RBFOX1: variants seen among roughly 807,000 people sequenced by gnomAD.
RBFOX1 encodes RNA binding fox-1 homolog 1, also known as RNA binding protein fox-1 homolog 1.
RBFOX1 carries 8 observed loss-of-function variants against 57.7 expected under a neutral mutation model. The ratio of observed to expected loss-of-function variants is 0.14; its 90% confidence interval spans 0.08 to 0.25. RBFOX1 has a LOEUF of 0.25. Ranked by LOEUF, RBFOX1 falls within the 10% of genes least tolerant of loss-of-function variation. RBFOX1 has a pLI of 1.00. For missense variants in RBFOX1, 611 were observed against 548.5 expected (o/e 1.11, Z -1.14); for synonymous variants, 326 against 222.4 (o/e 1.47, Z -4.15).
At chr16:6,944,755 C>A (rs1315126612) in intron 3 of RBFOX1, among the ~76,000 whole-genome samples, 1 of 152,120 alleles carries the variant, frequency 6.6e-6, no homozygotes, top group Admixed American at 6.6e-5. Context: ...AGTCCTGTTG[C>A]CATAGTACCC....
At chr16:7,114,161 C>G (rs772427206) in intron 4 of RBFOX1, among the ~76,000 whole-genome samples, 2 of 152,104 alleles carry the variant, frequency 1.3e-5, no homozygotes, top group East Asian at 3.9e-4. Flanking sequence ...CTTAAGAGAT[C>G]AGAGTTGGTG....
At chr16:6,416,972 A>T (rs961339862) in intron 2 of RBFOX1, among the ~76,000 whole-genome samples, 24 of 152,166 alleles carry the variant, frequency 1.6e-4, no homozygotes, top group African/African-American at 4.6e-4. Flanking sequence ...CACTTATGGG[A>T]TCATTCCTTA....
intron 4 of RBFOX1, among the ~76,000 whole-genome samples, chr16:7,462,779 G>A (rs1368853688): frequency 3.9e-5 from 6 of 152,182 alleles, no homozygotes; most frequent in African/African-American, 1.4e-4. Context: ...GAAGCTGCCC[G>A]TATTCCTTCT....
intron 4 of RBFOX1, among the ~76,000 whole-genome samples, chr16:7,131,316 A>G (rs964479017): frequency 2.9e-5 from 4 of 139,626 alleles, no homozygotes; most frequent in Non-Finnish European, 6.1e-5. Flanking sequence ...ATTGCACTGC[A>G]GCGTGGGCAT....
chr16:5,368,220 T>C (rs1000883697), intron 1 of RBFOX1, among the ~76,000 whole-genome samples: 10 of 152,244 alleles, frequency 6.6e-5, no homozygotes, highest in Middle Eastern at 3.2e-3. Context: ...TCTTGAATCA[T>C]TGGAGAAGCG....
chr16:6,272,340 T>TA (rs752777366), intron 1 of RBFOX1, among the ~76,000 whole-genome samples: 35 of 152,220 alleles, frequency 2.3e-4, no homozygotes, highest in Non-Finnish European at 5.0e-4. Flanking sequence ...GACATGCTGA[T>TA]ACCACAATTA....
chr16:5,524,490 C>T (rs8050440), intron 2 of RBFOX1, among the ~76,000 whole-genome samples: 4 of 151,266 alleles, frequency 2.6e-5, no homozygotes, highest in Admixed American at 6.6e-5. Flanking sequence ...ATATTCCTTT[C>T]GGTTTATACC....
chr16:6,873,499 G>T (rs1033475500), intron 3 of RBFOX1, among the ~76,000 whole-genome samples: 2 of 152,040 alleles, frequency 1.3e-5, no homozygotes, highest in Admixed American at 6.6e-5. Context: ...CTTCCTCAAG[G>T]CTATGACAGT....
chr16:6,925,643 C>T (rs1188319788), intron 3 of RBFOX1, among the ~76,000 whole-genome samples: 1 of 151,868 alleles, frequency 6.6e-6, no homozygotes, highest in Non-Finnish European at 1.5e-5. Flanking sequence ...ATAGTGGCTA[C>T]AAAGGGCTTA....
At chr16:5,971,980 G>A (rs895728393) in intron 4 of RBFOX1, among the ~76,000 whole-genome samples, 2 of 152,184 alleles carry the variant, frequency 1.3e-5, no homozygotes, top group Non-Finnish European at 2.9e-5. Context: ...AATTCCTCTT[G>A]CCTGCCTGAC....
chr16:5,275,909 C>T (rs1025683801), intron 1 of RBFOX1, among the ~76,000 whole-genome samples: 7 of 152,172 alleles, frequency 4.6e-5, no homozygotes, highest in South Asian at 4.1e-4. Context: ...TGATCTTAGA[C>T]AAAGTAAACA....
chr16:6,616,358 C>G (rs1195563886), intron 2 of RBFOX1, among the ~76,000 whole-genome samples: 2 of 151,786 alleles, frequency 1.3e-5, no homozygotes, highest in Admixed American at 6.6e-5. Context: ...GTGATAGTGA[C>G]TCAAATACAG....
At chr16:5,981,779 T>C (rs926393661) in intron 4 of RBFOX1, among the ~76,000 whole-genome samples, 7 of 152,204 alleles carry the variant, frequency 4.6e-5, no homozygotes, top group Non-Finnish European at 1.0e-4. Flanking sequence ...GTGTGATGTT[T>C]TAAAACGGTG....
At chr16:6,740,904 G>C (rs571893710) in intron 3 of RBFOX1, among the ~76,000 whole-genome samples, 1 of 152,122 alleles carries the variant, frequency 6.6e-6, no homozygotes, top group African/African-American at 2.4e-5. Context: ...AAAGAAACTA[G>C]AGTTGTTAAC....
intron 2 of RBFOX1, among the ~76,000 whole-genome samples, chr16:6,471,819 T>C (rs1437349291): frequency 6.6e-6 from 1 of 152,140 alleles, no homozygotes; most frequent in African/African-American, 2.4e-5. Flanking sequence ...GTCTGGAGAT[T>C]CTAGCAGGGA....
At position 6,536,454 on chromosome 16, in the gene RBFOX1, G is replaced by A. The variant is rs1041811443; in HGVS notation, c.-63-118149G>A. On this transcript the variant is annotated intron_variant, in intron 2 of 15. Transcript: ENST00000550418. ...TCAAGTTAATGCATAATATGATATG[G>A]GACATCCCTCATAAATTCCGTATCA... Among the ~76,000 whole-genome samples, 4 of 152,146 alleles carry A rather than the reference G, an allele frequency of 2.6e-5. No homozygotes were observed. In the East Asian group the frequency reaches 7.7e-4, roughly 29 times the overall value.
chr16:7,271,247 A>G (rs1053260297), intron 4 of RBFOX1, among the ~76,000 whole-genome samples: 1 of 151,610 alleles, frequency 6.6e-6, no homozygotes, highest in African/African-American at 2.4e-5. Context: ...GTGTTTCCTA[A>G]TGTTTGATCT....
intron 4 of RBFOX1, among the ~76,000 whole-genome samples, chr16:7,066,550 T>C (rs537647622): frequency 6.6e-6 from 1 of 151,308 alleles, no homozygotes; most frequent in African/African-American, 2.4e-5. Flanking sequence ...TGCAAAGTTT[T>C]AGGTGCTACC....
intron 3 of RBFOX1, among the ~76,000 whole-genome samples, chr16:7,001,398 T>TGTATGTGTATATGTATA (rs2092782327): frequency 4.0e-5 from 4 of 100,890 alleles, no homozygotes; most frequent in African/African-American, 1.4e-4. Context: ...GTATGTGTAT[T>TGTATGTGTATATGTATA]TGTATATGTA....
Sources: gnomAD v4.1 joint callset for allele counts (sites outside exome capture counted in the v4.1 genomes callset) on GRCh38, gnomAD v4.1.1 for gene constraint, MANE v1.5 for transcripts, NCBI Gene and HGNC (gene_info 2026-07-23, HGNC 2026-07-21) for gene names.